MAST4: variants seen among roughly 807,000 people sequenced by gnomAD.
MAST4 encodes microtubule associated serine/threonine kinase family member 4, also known as microtubule-associated serine/threonine-protein kinase 4.
Under a neutral mutation model 162.7 loss-of-function variants are expected in MAST4, and 89 were observed. The observed-to-expected ratio is 0.55, with a 90% CI of 0.46 to 0.65. MAST4 has a LOEUF of 0.65. Ranked by LOEUF, MAST4 falls within the 30% of genes least tolerant of loss-of-function variation. The pLI, the probability that MAST4 is intolerant of heterozygous loss-of-function variation, is 0.00. For missense variants in MAST4, 3,153 were observed against 3,374.0 expected, an observed-to-expected ratio of 0.93 and a Z score of 1.62; for synonymous variants, 1,479 against 1,361.1, an observed-to-expected ratio of 1.09 and a Z score of -1.91.
At chr5:67,149,665 C>A in intron 24 of MAST4, 76 bp downstream of exon 24, 1 of 1,409,044 alleles carries the variant, frequency 7.1e-7, no homozygotes, top group Non-Finnish European at 9.9e-7. Context: ...ATTTGGAATG[C>A]TGAATGAGAT....
intron 3 of MAST4, chr5:66,870,818 A>G (rs1330350707): frequency 8.5e-6 from 4 of 471,568 alleles, no homozygotes; most frequent in South Asian, 4.6e-5. Context: ...TCAGCCCGAC[A>G]TCGCCAGAGA....
At chr5:66,606,582 C>T (rs1199155878) in intron 1 of MAST4, among the ~76,000 whole-genome samples, 1 of 152,172 alleles carries the variant, frequency 6.6e-6, no homozygotes, top group Non-Finnish European at 1.5e-5. Flanking sequence ...TTTGTTCCTG[C>T]ATTGTGCCAG....
intron 4 of MAST4, among the ~76,000 whole-genome samples, chr5:67,052,588 T>A (rs1758323681): frequency 6.6e-6 from 1 of 152,110 alleles, no homozygotes; most frequent in African/African-American, 2.4e-5. Flanking sequence ...AAATTTAGTT[T>A]TAAGTATATC....
At chr5:66,761,691 A>G (rs1753858007) in intron 2 of MAST4, among the ~76,000 whole-genome samples, 4 of 152,290 alleles carry the variant, frequency 2.6e-5, no homozygotes. Context: ...TGCTGGAACA[A>G]AAGGCCAAAC....
intron 1 of MAST4, among the ~76,000 whole-genome samples, chr5:66,679,635 C>T (rs1332537456): frequency 2.0e-5 from 3 of 151,966 alleles, no homozygotes; most frequent in African/African-American, 7.2e-5. Flanking sequence ...GTGAACCTGT[C>T]ACATGGAAAT....
chr5:67,033,315 C>CTGTG (rs146627241), intron 4 of MAST4, among the ~76,000 whole-genome samples: 4,696 of 125,916 alleles, frequency 0.037, 269 homozygotes, highest in African/African-American at 0.12. Context: ...TTTCATTTCT[C>CTGTG]TGTGTGTGTG....
At chr5:66,821,077 T>C (rs1417791786) in intron 3 of MAST4, among the ~76,000 whole-genome samples, 7 of 152,360 alleles carry the variant, frequency 4.6e-5, no homozygotes, top group Admixed American at 4.6e-4. Context: ...ATATGCTTGC[T>C]ACTGATCCCA....
intron 1 of MAST4, among the ~76,000 whole-genome samples, chr5:66,643,630 T>G (rs546246160): frequency 2.8e-4 from 43 of 152,224 alleles, no homozygotes; most frequent in African/African-American, 9.1e-4. Flanking sequence ...GTTTCAGCTG[T>G]TTTTTTCTAT....
At chr5:66,788,843 C>T in intron 3 of MAST4, 49 bp downstream of exon 3, 1 of 1,491,906 alleles carries the variant, frequency 6.7e-7, no homozygotes, top group Non-Finnish European at 8.9e-7. Context: ...CACCACCTCT[C>T]TAGGGACAAT....
intron 25 of MAST4, 93 bp downstream of exon 25, chr5:67,152,959 T>A: frequency 1.9e-6 from 2 of 1,055,686 alleles, no homozygotes; most frequent in South Asian, 1.5e-5. Flanking sequence ...TATATTTACT[T>A]TTAAGCTTGC....
intron 5 of MAST4, among the ~76,000 whole-genome samples, chr5:67,086,501 C>A (rs1170184323): frequency 2.0e-5 from 3 of 152,162 alleles, no homozygotes; most frequent in African/African-American, 7.2e-5. Context: ...ATGCTAGTTC[C>A]CCAGGGGGAT....
chr5:66,673,701 G>A (rs890680582), intron 1 of MAST4, among the ~76,000 whole-genome samples: 3 of 152,054 alleles, frequency 2.0e-5, no homozygotes, highest in African/African-American at 7.2e-5. Context: ...TCACCGTGTT[G>A]GCCAGGCTGG....
chr5:66,718,091 C>T (rs778276174), intron 1 of MAST4, among the ~76,000 whole-genome samples: 8 of 152,002 alleles, frequency 5.3e-5, no homozygotes, highest in Middle Eastern at 3.4e-3. Context: ...AAAAATGTCT[C>T]TTTCAAAGGC....
chr5:66,681,954 G>A (rs1341083161), intron 1 of MAST4, among the ~76,000 whole-genome samples: 2 of 152,220 alleles, frequency 1.3e-5, no homozygotes, highest in African/African-American at 2.4e-5. Flanking sequence ...TGGAGCATCA[G>A]TTAAGGTGAC....
At chr5:67,077,081 T>G (rs1761742258) in intron 5 of MAST4, among the ~76,000 whole-genome samples, 1 of 152,218 alleles carries the variant, frequency 6.6e-6, no homozygotes, top group Non-Finnish European at 1.5e-5. Flanking sequence ...CAAGGCCAAT[T>G]AAGTCAGAAA....
At chr5:66,703,382 T>G (rs891409421) in intron 1 of MAST4, among the ~76,000 whole-genome samples, 2 of 152,214 alleles carry the variant, frequency 1.3e-5, no homozygotes, top group Non-Finnish European at 2.9e-5. Flanking sequence ...TATGCATGGA[T>G]GATCATTGTC....
chr5:67,104,697 G>GA (rs60519477), intron 10 of MAST4, 122 bp downstream of exon 10: 116,225 of 461,662 alleles, frequency 0.25, 159 homozygotes, highest in Middle Eastern at 0.31. Context: ...AAAAAAGAAG[G>GA]AAAAAAAAAA....
intron 4 of MAST4, among the ~76,000 whole-genome samples, chr5:66,956,377 G>T (rs1258521566): frequency 6.6e-6 from 1 of 151,986 alleles, no homozygotes; most frequent in African/African-American, 2.4e-5. Context: ...AACGTCCAGG[G>T]TTTCTCTCTT....
At chr5:66,893,518 C>T (rs1186754886) in intron 3 of MAST4, among the ~76,000 whole-genome samples, 1 of 152,160 alleles carries the variant, frequency 6.6e-6, no homozygotes, top group African/African-American at 2.4e-5. Context: ...GCATGAGCCA[C>T]TGTGCCTGGC....
Sources: allele counts gnomAD v4.1 joint callset (sites outside exome capture counted in the v4.1 genomes callset), GRCh38; gene constraint gnomAD v4.1.1; transcripts MANE v1.5; gene names NCBI Gene and HGNC (gene_info 2026-07-23, HGNC 2026-07-21).